The following SAMD13 variants were observed in gnomAD, a reference collection of about 807,000 sequenced individuals.
SAMD13 encodes the protein sterile alpha motif domain-containing protein 13.
SAMD13 carries 9 observed loss-of-function variants against 12.4 expected under a neutral mutation model. That is an observed-to-expected ratio of 0.72 (90% CI 0.44 to 1.26). SAMD13 has a LOEUF of 1.26. SAMD13 is among the 50% of genes most tolerant of loss of function. The probability of loss-of-function intolerance (pLI) is 0.00; values close to 1 mark genes in which losing one functional copy is unlikely to be tolerated. For synonymous variants in SAMD13, 46 were observed against 45.4 expected (o/e 1.01, Z -0.05); for missense variants, 84 against 119.6 (o/e 0.70, Z 1.39).
intron 2 of SAMD13, among the ~76,000 whole-genome samples, chr1:84,312,196 T>C (rs1050064456): frequency 6.6e-6 from 1 of 152,106 alleles, no homozygotes; most frequent in African/African-American, 2.4e-5. Context: ...CTAAGCAAAA[T>C]TATAAGCTCA....
chr1:84,335,726 G>A (rs1039804413), intron 3 of SAMD13, among the ~76,000 whole-genome samples: 11 of 152,154 alleles, frequency 7.2e-5, no homozygotes, highest in African/African-American at 2.7e-4. Context: ...AGGACTTCTC[G>A]AAAGGCAGGT....
intron 3 of SAMD13, among the ~76,000 whole-genome samples, chr1:84,348,266 C>A (rs996575314): frequency 7.9e-5 from 12 of 152,152 alleles, no homozygotes; most frequent in African/African-American, 2.9e-4. Context: ...TTTCTTCAGC[C>A]GCCTAGCCTG....
At chr1:84,299,676 T>TA (rs72030782), upstream of SAMD13, 54,568 of 575,058 alleles carry the variant, frequency 0.095, 1,796 homozygotes, top group Non-Finnish European at 0.1. Flanking sequence ...TATATATATA[T>TA]TTATTTATTT....
chr1:84,338,978 G>A (rs1558461463), intron 3 of SAMD13, among the ~76,000 whole-genome samples: 1 of 152,164 alleles, frequency 6.6e-6, no homozygotes, highest in African/African-American at 2.4e-5. Context: ...TGAAACTCTT[G>A]AAGTAAGTTT....
intron 3 of SAMD13, among the ~76,000 whole-genome samples, chr1:84,338,530 C>T (rs1020429229): frequency 6.6e-6 from 1 of 151,152 alleles, no homozygotes; most frequent in Non-Finnish European, 1.5e-5. Flanking sequence ...CTCTGCCTCC[C>T]GGGTTCAAGT....
intron 2 of SAMD13, among the ~76,000 whole-genome samples, chr1:84,325,081 C>T (rs1679028515): frequency 6.6e-6 from 1 of 152,118 alleles, no homozygotes; most frequent in African/African-American, 2.4e-5. Context: ...GAATGAAGTT[C>T]TAGAAGTCAA....
At chr1:84,298,551 C>A, upstream of SAMD13, 1 of 1,271,142 alleles carries the variant, frequency 7.9e-7, no homozygotes, top group South Asian at 3.8e-5. Flanking sequence ...AACCTCCCGG[C>A]GCGGCCATGC....
chr1:84,325,552 C>T (rs1044733366), intron 2 of SAMD13, 85 bp from the exon 3 acceptor site: 2 of 771,848 alleles, frequency 2.6e-6, no homozygotes, highest in Non-Finnish European at 2.3e-6. Context: ...ACATGAAAGG[C>T]CTGTCCCAGA....
chr1:84,306,854 TAA>T (rs1360684703), intron 2 of SAMD13, among the ~76,000 whole-genome samples: 3 of 141,920 alleles, frequency 2.1e-5, no homozygotes, highest in African/African-American at 5.2e-5. Flanking sequence ...ATAATAATAA[TAA>T]AATAAAATAA....
Position 84,303,240 on chromosome 1 carries a change from A to G in SAMD13, c.6A>G (p.Leu2=), listed in dbSNP as rs374782466. 1.2e-6 allele frequency: 2 copies of G among 1,613,168 alleles called. No homozygotes were observed. Among genetic ancestry groups the G allele is most frequent in the South Asian group, 1.1e-5 (1 of 91,060 alleles). Residue 2 remains leucine (L), a synonymous_variant, in exon 2 of 4, where the codon CTA becomes CTG. Transcript: ENST00000394834. Reference sequence around the variant, plus strand: ...AGGAACCCTGCAGCCTTCCCATGCTATCTGTTGACATGGAAAACAAGGAAA... The same window carrying G: ...AGGAACCCTGCAGCCTTCCCATGCTGTCTGTTGACATGGAAAACAAGGAAA... M[L]SVDMENKENG...
chr1:84,316,469 A>G (rs1034816786), intron 2 of SAMD13, among the ~76,000 whole-genome samples: 1 of 152,146 alleles, frequency 6.6e-6, no homozygotes, highest in African/African-American at 2.4e-5. Context: ...CATTAGTTGA[A>G]GAGACTCATC....
chr1:84,334,849 G>A (rs1012185270), intron 3 of SAMD13, among the ~76,000 whole-genome samples: 1 of 151,736 alleles, frequency 6.6e-6, no homozygotes, highest in Non-Finnish European at 1.5e-5. Flanking sequence ...TTAATTTCCT[G>A]TACAGTTTTG....
chr1:84,337,062 C>T (rs1679313201), intron 3 of SAMD13, among the ~76,000 whole-genome samples: 1 of 152,198 alleles, frequency 6.6e-6, no homozygotes. Flanking sequence ...TCTTGGACAG[C>T]TCTGCCCCTG....
chr1:84,349,952 G>T lies in SAMD13; in HGVS notation c.*178G>T. 7.6e-7 allele frequency: 1 copy of T among 1,323,412 alleles called. No individual in the cohort carries two copies. The highest frequency in any genetic ancestry group is 9.7e-7 in the Non-Finnish European group (1 of 1,032,672). The allele number at this position is 1,323,412 out of a possible 1,614,324, so 82.0% of individuals were successfully genotyped here. A position where few individuals can be genotyped will look rare whatever the true frequency, so the allele number is the denominator to read the frequency against. On this transcript the variant is annotated 3_prime_UTR_variant, in exon 4 of 4. Coordinates refer to ENST00000394834, the MANE Select transcript of SAMD13 (RefSeq NM_001134663.2). ...CATCAGCTCACCTGAAATCAGCCAG[G>T]AGGAGCAAGGACAAGATGCGCACAG...
chr1:84,298,845 C>G (rs1032017340), upstream of SAMD13, among the ~76,000 whole-genome samples: 2 of 152,154 alleles, frequency 1.3e-5, 1 homozygote, highest in South Asian at 4.2e-4. Flanking sequence ...GGTGGTGGCA[C>G]GACTCGGCGG....
rs997762278 is a variant in SAMD13 at position 84,338,550 on chromosome 1, G to C, written c.166-11081G>C. Among the ~76,000 whole-genome samples the C allele has an allele frequency of 1.2e-4, 18 of 149,102 alleles. No homozygotes were observed. The South Asian group carries it at 1.5e-3, about 12-fold the overall frequency. ...CCTCCCGGGTTCAAGTGATTCCCCT[G>C]CCTCAGCTTCCTCAGTAACTAGGAT... On this transcript the variant is annotated intron_variant, in intron 3 of 3. Coordinates refer to ENST00000394834, the MANE Select transcript of SAMD13 (RefSeq NM_001134663.2).
chr1:84,338,899 C>T (rs1679361681), intron 3 of SAMD13, among the ~76,000 whole-genome samples: 1 of 152,210 alleles, frequency 6.6e-6, no homozygotes, highest in Non-Finnish European at 1.5e-5. Flanking sequence ...CACAGCCAAA[C>T]CATATCAGCC....
In SAMD13 at chr1:84,318,767, G is replaced by C. The variant is rs538861877; in HGVS notation, c.54-6870G>C. Reference sequence around the variant, plus strand: ...AAAATTCATTCCTTGATATGTTATAGTTATCTGTTCATTCTGATATATGGT... The same window carrying C: ...AAAATTCATTCCTTGATATGTTATACTTATCTGTTCATTCTGATATATGGT... On this transcript the variant is annotated intron_variant, in intron 2 of 3. Transcript: ENST00000394834. Among the ~76,000 whole-genome samples, 3 of 152,198 alleles carry C rather than the reference G, an allele frequency of 2.0e-5. No homozygotes were observed. In the South Asian group the frequency reaches 6.2e-4, roughly 32 times the overall value.
chr1:84,304,438 G>A (rs1048582170), intron 2 of SAMD13, among the ~76,000 whole-genome samples: 1 of 152,108 alleles, frequency 6.6e-6, no homozygotes, highest in Non-Finnish European at 1.5e-5. Flanking sequence ...AATATGAAAT[G>A]TGACTAGTTT....
Sources: gnomAD v4.1 joint callset for allele counts (sites outside exome capture counted in the v4.1 genomes callset) on GRCh38, gnomAD v4.1.1 for gene constraint, MANE v1.5 for transcripts, NCBI Gene and HGNC (gene_info 2026-07-23, HGNC 2026-07-21) for gene names.